Variants in EYA4 observed in about 807,000 individuals in gnomAD.
EYA4 encodes the protein EYA transcriptional coactivator and phosphatase 4.
In EYA4, 31 loss-of-function variants were observed where a neutral mutation model predicts 87.9. That is an observed-to-expected ratio of 0.35 (90% CI 0.27 to 0.48). EYA4 has a LOEUF of 0.48. Among genes scored for constraint, EYA4 ranks in the 20% least tolerant of loss-of-function variants. The pLI, the probability that EYA4 is intolerant of heterozygous loss-of-function variation, is 0.99. For synonymous variants in EYA4, 263 were observed against 270.6 expected (o/e 0.97, Z 0.28); for missense variants, 678 against 761.4 (o/e 0.89, Z 1.29).
At chr6:133,473,583 G>C (rs1229235623) in intron 11 of EYA4, among the ~76,000 whole-genome samples, 1 of 151,904 alleles carries the variant, frequency 6.6e-6, no homozygotes, top group Non-Finnish European at 1.5e-5. Flanking sequence ...TTACCTGTGG[G>C]TCCAAGAAAT....
At chr6:133,348,393 C>T (rs1401257676) in intron 2 of EYA4, among the ~76,000 whole-genome samples, 1 of 151,220 alleles carries the variant, frequency 6.6e-6, no homozygotes, top group Non-Finnish European at 1.5e-5. Flanking sequence ...CTTGCTTCAG[C>T]CTCCTGAGTA....
intron 2 of EYA4, 31 bp downstream of exon 2, chr6:133,274,844 A>G: frequency 1.3e-6 from 2 of 1,586,996 alleles, no homozygotes; most frequent in Non-Finnish European, 1.7e-6. Context: ...TTGCTGAAAA[A>G]AGTTGCGATA....
At chr6:133,358,902 G>A (rs35195084) in intron 2 of EYA4, among the ~76,000 whole-genome samples, 1 of 152,178 alleles carries the variant, frequency 6.6e-6, no homozygotes, top group Non-Finnish European at 1.5e-5. Context: ...TGAGTGGTCA[G>A]GAAAGCTCTC....
intron 2 of EYA4, among the ~76,000 whole-genome samples, chr6:133,328,858 A>T (rs1408804642): frequency 1.3e-5 from 2 of 152,176 alleles, no homozygotes; most frequent in African/African-American, 2.4e-5. Context: ...TGTCTGGCTT[A>T]TAAAAATGGT....
chr6:133,336,568 C>T (rs2128396752), intron 2 of EYA4, among the ~76,000 whole-genome samples: 1 of 152,294 alleles, frequency 6.6e-6, no homozygotes, highest in South Asian at 2.1e-4. Flanking sequence ...AGATTAAAGA[C>T]ATGCAACAGC....
intron 1 of EYA4, among the ~76,000 whole-genome samples, chr6:133,272,898 C>T (rs1160404075): frequency 6.6e-6 from 1 of 151,882 alleles, no homozygotes; most frequent in Non-Finnish European, 1.5e-5. Flanking sequence ...GGTTAGAAGC[C>T]TGGCTCGCTG....
intron 2 of EYA4, among the ~76,000 whole-genome samples, chr6:133,302,655 C>T (rs999346867): frequency 2.0e-5 from 3 of 152,126 alleles, no homozygotes; most frequent in Non-Finnish European, 4.4e-5. Context: ...CAACAACTTA[C>T]TATTTATCAG....
chr6:133,372,877 T>A (rs211610), intron 2 of EYA4, among the ~76,000 whole-genome samples: 135,584 of 151,828 alleles, frequency 0.89, 60,899 homozygotes, highest in East Asian at 0.95. Flanking sequence ...CTAATTTTTT[T>A]AAAAGTTATG....
intron 11 of EYA4, among the ~76,000 whole-genome samples, chr6:133,478,662 A>G (rs1186398892): frequency 6.6e-6 from 1 of 152,198 alleles, no homozygotes; most frequent in Admixed American, 6.5e-5. Context: ...CTTTATCCCC[A>G]TCAAAACACT....
At chr6:133,487,416 G>A (rs78317814) in intron 13 of EYA4, among the ~76,000 whole-genome samples, 4,472 of 152,252 alleles carry the variant, frequency 0.029, 257 homozygotes, top group East Asian at 0.18. Flanking sequence ...GGGAGTGCTT[G>A]TGCTACCCCT....
intron 2 of EYA4, chr6:133,325,392 G>A (rs1014178618): frequency 6.6e-6 from 1 of 152,088 alleles, no homozygotes; most frequent in Non-Finnish European, 1.5e-5. Context: ...CAAGAAGAAA[G>A]GACCTATATC....
At chr6:133,440,865 G>A (rs1014113020) in intron 3 of EYA4, among the ~76,000 whole-genome samples, 1 of 152,150 alleles carries the variant, frequency 6.6e-6, no homozygotes, top group South Asian at 2.1e-4. Context: ...TATAATAAGA[G>A]CTAAGTTTGG....
At chr6:133,242,538 G>C (rs768041050) in intron 1 of EYA4, among the ~76,000 whole-genome samples, 1 of 152,150 alleles carries the variant, frequency 6.6e-6, no homozygotes, top group East Asian at 1.9e-4. Flanking sequence ...GCTGGGTCTG[G>C]GGAGGCAGTG....
At chr6:133,255,685 G>A (rs1775282386) in intron 1 of EYA4, among the ~76,000 whole-genome samples, 1 of 151,746 alleles carries the variant, frequency 6.6e-6, no homozygotes, top group Non-Finnish European at 1.5e-5. Flanking sequence ...AACTCCAATA[G>A]GATCATTGAT....
Position 133,450,009 on chromosome 6 carries a change from G to A in EYA4, c.277+1830G>A, listed in dbSNP as rs1397679827. On this transcript the variant is annotated intron_variant, in intron 5 of 19. Coordinates refer to ENST00000355286, the MANE Select transcript of EYA4 (RefSeq NM_004100.5). Reference sequence around the variant, plus strand: ...TCAATGACTTTTTTTTTTTTGAAACGGAGTCTTGCTCTGTCACCCAGGCTG... The same window carrying A: ...TCAATGACTTTTTTTTTTTTGAAACAGAGTCTTGCTCTGTCACCCAGGCTG... 8.6e-5 allele frequency among the ~76,000 whole-genome samples: 13 copies of A among 150,792 alleles called. No homozygotes were observed. The East Asian group carries it at 1.6e-3, about 18-fold the overall frequency.
chr6:133,382,763 A>T (rs1786337278), intron 3 of EYA4, among the ~76,000 whole-genome samples: 1 of 151,260 alleles, frequency 6.6e-6, no homozygotes, highest in Non-Finnish European at 1.5e-5. Context: ...AAATTGTGCC[A>T]GATACTGAAT....
intron 2 of EYA4, among the ~76,000 whole-genome samples, chr6:133,351,933 TAAGA>T (rs1163511009): frequency 2.0e-5 from 3 of 150,334 alleles, no homozygotes; most frequent in African/African-American, 7.3e-5. Context: ...ATCTAGATCA[TAAGA>T]AAGAATTTAG....
At chr6:133,365,857 A>AG (rs1237489287) in intron 2 of EYA4, among the ~76,000 whole-genome samples, 1 of 152,140 alleles carries the variant, frequency 6.6e-6, no homozygotes, top group African/African-American at 2.4e-5. Flanking sequence ...GCATGATCCC[A>AG]GACCAGCCCT....
intron 2 of EYA4, among the ~76,000 whole-genome samples, chr6:133,294,396 CT>C (rs1778790016): frequency 7.1e-6 from 1 of 140,090 alleles, no homozygotes; most frequent in African/African-American, 2.7e-5. Flanking sequence ...AAGAGACAGT[CT>C]TACTTCATTG....
Sources: gnomAD v4.1 joint callset for allele counts (sites outside exome capture counted in the v4.1 genomes callset) on GRCh38, gnomAD v4.1.1 for gene constraint, MANE v1.5 for transcripts, NCBI Gene and HGNC (gene_info 2026-07-23, HGNC 2026-07-21) for gene names.